SUMF1: variants seen among roughly 807,000 people sequenced by gnomAD.
SUMF1 encodes the protein formylglycine-generating enzyme.
In SUMF1, 48 loss-of-function variants were observed where a neutral mutation model predicts 47.6. That is an observed-to-expected ratio of 1.01 (90% CI 0.80 to 1.28). SUMF1 has a LOEUF of 1.28. Ranked by LOEUF, SUMF1 falls within the 50% of genes most tolerant of loss-of-function variation. SUMF1 has a pLI of 0.00. For synonymous variants in SUMF1, 230 were observed against 192.1 expected (o/e 1.20, Z -1.63); for missense variants, 571 against 485.4 (o/e 1.18, Z -1.66).
chr3:4,048,654 A>G (rs1695049439), intron 9 of SUMF1, among the ~76,000 whole-genome samples: 1 of 152,038 alleles, frequency 6.6e-6, no homozygotes, highest in Non-Finnish European at 1.5e-5. Flanking sequence ...CCCTAACTCC[A>G]TGTACAAATG....
chr3:4,344,670 T>C (rs1699338085), intron 8 of SUMF1, among the ~76,000 whole-genome samples: 1 of 152,068 alleles, frequency 6.6e-6, no homozygotes, highest in Admixed American at 6.5e-5. Flanking sequence ...GGCGCAGAAC[T>C]GAATGGAGGA....
intron 8 of SUMF1, among the ~76,000 whole-genome samples, chr3:4,134,579 A>G (rs1034331544): frequency 2.0e-5 from 3 of 152,160 alleles, no homozygotes; most frequent in Admixed American, 6.6e-5. Flanking sequence ...AAGAGCAAAC[A>G]CATTCAAAAG....
intron 2 of SUMF1, among the ~76,000 whole-genome samples, chr3:4,450,474 A>G (rs1395359903): frequency 1.3e-5 from 2 of 152,122 alleles, no homozygotes; most frequent in African/African-American, 4.8e-5. Context: ...TTCTTCCTGC[A>G]TTCCCTTGTG....
chr3:4,150,618 C>T (rs937615459), intron 8 of SUMF1, among the ~76,000 whole-genome samples: 1 of 151,228 alleles, frequency 6.6e-6, no homozygotes, highest in Non-Finnish European at 1.5e-5. Flanking sequence ...CTCCTGGGCT[C>T]AAGTAATTCT....
At chr3:4,101,596 C>G (rs577450944) in intron 8 of SUMF1, among the ~76,000 whole-genome samples, 2 of 152,118 alleles carry the variant, frequency 1.3e-5, no homozygotes, top group African/African-American at 4.8e-5. Context: ...AAGTCGACTA[C>G]AGTTAATAAT....
intron 8 of SUMF1, among the ~76,000 whole-genome samples, chr3:4,088,716 A>G (rs1004133890): frequency 6.6e-6 from 1 of 152,050 alleles, no homozygotes; most frequent in African/African-American, 2.4e-5. Flanking sequence ...ACATATATAA[A>G]TTTATTTCTG....
chr3:4,127,976 A>G (rs2125083920), intron 8 of SUMF1, among the ~76,000 whole-genome samples: 1 of 152,264 alleles, frequency 6.6e-6, no homozygotes, highest in East Asian at 1.9e-4. Context: ...CAAGGAGTTT[A>G]GTGACTCTAT....
intron 8 of SUMF1, among the ~76,000 whole-genome samples, chr3:4,245,491 G>A (rs1310695287): frequency 6.6e-6 from 1 of 152,050 alleles, no homozygotes; most frequent in African/African-American, 2.4e-5. Flanking sequence ...TAACAGACAG[G>A]CCCCTCAGCT....
At chr3:4,311,626 C>T (rs970657948) in intron 8 of SUMF1, among the ~76,000 whole-genome samples, 1 of 152,184 alleles carries the variant, frequency 6.6e-6, no homozygotes, top group Non-Finnish European at 1.5e-5. Context: ...AGCTATGTAT[C>T]TAATCATATA....
chr3:4,301,217 C>A (rs1002943163), intron 8 of SUMF1, among the ~76,000 whole-genome samples: 1 of 152,110 alleles, frequency 6.6e-6, no homozygotes, highest in African/African-American at 2.4e-5. Flanking sequence ...GGTAAAGGCA[C>A]TGGAGATACA....
intron 8 of SUMF1, among the ~76,000 whole-genome samples, chr3:4,193,282 C>T (rs1302480284): frequency 7.4e-6 from 1 of 134,968 alleles, no homozygotes; most frequent in Non-Finnish European, 1.6e-5. Flanking sequence ...CCCTCCCAGC[C>T]ATCACCCTTT....
chr3:4,166,086 TACCA>T (rs1263757081), intron 8 of SUMF1, among the ~76,000 whole-genome samples: 2 of 152,110 alleles, frequency 1.3e-5, no homozygotes, highest in African/African-American at 4.8e-5. Context: ...TAGTGGCCCT[TACCA>T]ACACATTCTC....
intron 8 of SUMF1, chr3:4,316,285 C>A: frequency 1.0e-6 from 1 of 966,466 alleles, no homozygotes; most frequent in Non-Finnish European, 1.6e-6. Context: ...GGTCGTAAAG[C>A]AGCAGAAACA....
intron 8 of SUMF1, among the ~76,000 whole-genome samples, chr3:4,071,983 T>A (rs544078487): frequency 2.6e-5 from 4 of 152,282 alleles, no homozygotes; most frequent in Non-Finnish European, 5.9e-5. Flanking sequence ...CCCTGACCCC[T>A]GTGTACCTGA....
rs117209037 is a variant in SUMF1 at position 4,120,967 on chromosome 3, G to C, written c.1015-52222C>G. ...TTTCACATACCTAACCTAGTATCAA[G>C]TTTGTGCTAGGTAAATAATAGCTGA... On this transcript the variant is annotated intron_variant and NMD_transcript_variant, in intron 8 of 12. Transcript: ENST00000448413. Among the ~76,000 whole-genome samples, 50 of 152,250 alleles carry C rather than the reference G, an allele frequency of 3.3e-4. 1 individual carries two copies. In the East Asian group the frequency reaches 9.1e-3, roughly 28 times the overall value.
At chr3:4,308,296 A>G (rs2125083585) in intron 8 of SUMF1, among the ~76,000 whole-genome samples, 1 of 152,314 alleles carries the variant, frequency 6.6e-6, no homozygotes, top group Admixed American at 6.5e-5. Context: ...CCTACTATGC[A>G]CTACCTGCAA....
chr3:4,066,500 T>C (rs1230735332), intron 9 of SUMF1, among the ~76,000 whole-genome samples: 4 of 152,128 alleles, frequency 2.6e-5, no homozygotes, highest in Non-Finnish European at 5.9e-5. Flanking sequence ...CCGACAAACT[T>C]TCCTTTCTCA....
rs879655803 is a variant in SUMF1 at position 4,261,289 on chromosome 3, C to T, written c.1014+115041G>A. 1.3e-5 allele frequency among the ~76,000 whole-genome samples: 2 copies of T among 152,116 alleles called. 1 individual carries two copies. Among genetic ancestry groups the T allele is most frequent in the East Asian group, 3.8e-4 (2 of 5,200 alleles). ...AAACATTCAGTTTAACTGGGACTTA[C>T]TTGAACAGTAACATTTGGTTTAGGA... On this transcript the variant is annotated intron_variant and NMD_transcript_variant, in intron 8 of 12. Transcript: ENST00000448413.
intron 8 of SUMF1, among the ~76,000 whole-genome samples, chr3:4,216,929 G>C (rs1011459870): frequency 1.3e-5 from 2 of 152,174 alleles, no homozygotes; most frequent in African/African-American, 4.8e-5. Context: ...GTATAAATTA[G>C]TTCAACCATT....
Sources: allele counts gnomAD v4.1 joint callset (sites outside exome capture counted in the v4.1 genomes callset), GRCh38; gene constraint gnomAD v4.1.1; transcripts MANE v1.5; gene names NCBI Gene and HGNC (gene_info 2026-07-23, HGNC 2026-07-21).